Variants in ARHGEF7 observed in about 807,000 individuals in gnomAD.
ARHGEF7 encodes PAK-interacting exchange factor beta.
In ARHGEF7, 33 loss-of-function variants were observed where a neutral mutation model predicts 109.8. The ratio of observed to expected loss-of-function variants is 0.30; its 90% CI spans 0.23 to 0.40. The LOEUF is 0.40. Ranked by LOEUF, ARHGEF7 falls within the 10% of genes least tolerant of loss-of-function variation. The pLI is 1.00. For synonymous variants in ARHGEF7, 458 were observed against 424.6 expected, an observed-to-expected ratio of 1.08 and a Z score of -0.97; for missense variants, 938 against 1,098.5, an observed-to-expected ratio of 0.85 and a Z score of 2.07.
chr13:111,189,998 C>T (rs1242858305), intron 2 of ARHGEF7, among the ~76,000 whole-genome samples: 7 of 152,194 alleles, frequency 4.6e-5, no homozygotes, highest in Non-Finnish European at 8.8e-5. Context: ...AGTGACCGCT[C>T]TAGCTACTTC....
chr13:111,206,887 G>A (rs1161699313), intron 3 of ARHGEF7, among the ~76,000 whole-genome samples: 3 of 150,762 alleles, frequency 2.0e-5, no homozygotes, highest in Non-Finnish European at 3.0e-5. Context: ...GCGTGAACCC[G>A]GGAGGCGGAG....
chr13:111,260,544 A>G (rs548480188), intron 8 of ARHGEF7, among the ~76,000 whole-genome samples: 4 of 152,262 alleles, frequency 2.6e-5, no homozygotes, highest in Non-Finnish European at 5.9e-5. Flanking sequence ...AAGGAGAAAT[A>G]AAAACTTTCC....
chr13:111,189,403 C>G (rs1297307081), intron 2 of ARHGEF7, among the ~76,000 whole-genome samples: 2 of 152,168 alleles, frequency 1.3e-5, no homozygotes, highest in Non-Finnish European at 2.9e-5. Context: ...AGGAGTGAAG[C>G]CGCAGACCTT....
At chr13:111,164,181 C>T (rs1237532180) in intron 2 of ARHGEF7, among the ~76,000 whole-genome samples, 2 of 152,182 alleles carry the variant, frequency 1.3e-5, no homozygotes, top group Non-Finnish European at 2.9e-5. Context: ...CCTCACGATG[C>T]CCTGCAGAGA....
chr13:111,202,334 CTTGGAGAGGGTTGGCAT>C (rs1213648319), intron 2 of ARHGEF7, among the ~76,000 whole-genome samples: 1 of 152,182 alleles, frequency 6.6e-6, no homozygotes, highest in Non-Finnish European at 1.5e-5. Context: ...GTTGGAGTCA[CTTGGAGAGGGTTGGCAT>C]TTTGATTTGA....
rs1277004765 is a variant in ARHGEF7 at position 111,258,655 on chromosome 13, A to T, written c.951-8893A>T. Among the ~76,000 whole-genome samples the T allele has an allele frequency of 6.6e-6, 1 of 152,164 alleles. No individual in the cohort carries two copies. The highest frequency in any genetic ancestry group is 1.9e-4 in the East Asian group (1 of 5,176). On this transcript the variant is annotated intron_variant, in intron 8 of 21. Transcript: ENST00000646102. The surrounding 1 kb of genome is among the most constrained non-coding windows in gnomAD (Gnocchi z 4.4). The stretch of plus-strand genomic sequence containing the variant: ...GCTGGCTTCAAATGTGACCCAGAGC[A>T]CATTCCCAGCTGTGGTGGCTACAGG...
intron 1 of ARHGEF7, among the ~76,000 whole-genome samples, chr13:111,119,690 A>C (rs1423608112): frequency 6.6e-6 from 1 of 152,192 alleles, no homozygotes; most frequent in Non-Finnish European, 1.5e-5. Flanking sequence ...AGGCTTGCAG[A>C]AAATCAGCAA....
chr13:111,115,377 GGCCGGACCTGCTGGGCCGC>G lies in ARHGEF7; in HGVS notation c.-145_-127del. On this transcript the variant is annotated 5_prime_UTR_variant, in exon 1 of 22. Transcript: ENST00000646102. ...CCGGGGCGCACGGAGAAGCGGGCCG[GGCCGGACCTGCTGGGCCGC>G]GCCGAGCCAATCGCCGGCGCCGGCC... 1 of 398,668 alleles carries G rather than the reference GGCCGGACCTGCTGGGCCGC, an allele frequency of 2.5e-6. No individual in the cohort carries two copies. The highest frequency in any genetic ancestry group is 3.4e-6 in the Non-Finnish European group (1 of 296,664). 24.7% of individuals were successfully genotyped at this position (398,668 alleles called of 1,614,324 possible).
intron 8 of ARHGEF7, among the ~76,000 whole-genome samples, chr13:111,245,159 CTCA>C (rs1163962327): frequency 6.6e-6 from 1 of 152,242 alleles, no homozygotes; most frequent in Non-Finnish European, 1.5e-5. Context: ...TTCAAAGCAT[CTCA>C]TCGATTTGCT....
At position 111,300,837 on chromosome 13, in the gene ARHGEF7, A is replaced by G; in HGVS notation, c.2401A>G (p.Ile801Val). The change falls in exon 20 of 22, where the codon ATA becomes GTA. Residue 801 changes from isoleucine (I) to valine (V), a missense_variant. Transcript: ENST00000646102. ...EETKSNGQTVIEEKSLVDTVY... is the reference protein window; with the variant it reads ...EETKSNGQTVVEEKSLVDTVY... ...AACTAAAAGTAATGGTCAGACAGTG[A>G]TAGAAGAAAAGTAAGATGTCTTCCG... The G allele has an allele frequency of 1.9e-6, 3 of 1,597,330 alleles. No individual in the cohort carries two copies. The highest frequency in any genetic ancestry group is 2.6e-6 in the Non-Finnish European group (3 of 1,167,986).
chr13:111,261,569 AGACACTT>A (rs1255338302), intron 8 of ARHGEF7, among the ~76,000 whole-genome samples: 2 of 152,222 alleles, frequency 1.3e-5, no homozygotes, highest in Admixed American at 1.3e-4. Context: ...AAAGCAACAA[AGACACTT>A]GACTTTATCT....
At chr13:111,290,117 A>G (rs1436462037) in intron 18 of ARHGEF7, among the ~76,000 whole-genome samples, 1 of 152,194 alleles carries the variant, frequency 6.6e-6, no homozygotes, top group Non-Finnish European at 1.5e-5. Flanking sequence ...GTGGCCATAA[A>G]TTTTTGGATT....
chr13:111,224,567 G>A (rs1210872560), intron 5 of ARHGEF7, among the ~76,000 whole-genome samples: 1 of 152,148 alleles, frequency 6.6e-6, no homozygotes, highest in African/African-American at 2.4e-5. Flanking sequence ...GATGATGACT[G>A]TCTGTGTTTG....
intron 2 of ARHGEF7, among the ~76,000 whole-genome samples, chr13:111,174,756 C>CCT: frequency 6.6e-6 from 1 of 152,184 alleles, no homozygotes; most frequent in East Asian, 1.9e-4. Context: ...GCGGTCTGGT[C>CCT]CATCTGTACG....
rs1223049161 is a variant in ARHGEF7 at position 111,273,368 on chromosome 13, C to T, written c.1074-446C>T. Among the ~76,000 whole-genome samples the T allele has an allele frequency of 3.3e-5, 5 of 152,238 alleles. No homozygotes were observed. The highest frequency in any genetic ancestry group is 1.9e-4 in the East Asian group (1 of 5,190). ...ACATAGGTGGGGCCTGCTCGCTGGA[C>T]GAACTCGCATCTGGGGATGACTACC... On this transcript the variant is annotated intron_variant, in intron 9 of 21. Coordinates refer to ENST00000646102, the MANE Select transcript of ARHGEF7 (RefSeq NM_001354046.2). The surrounding 1 kb of genome is among the most constrained non-coding windows in gnomAD (Gnocchi z 4.5).
At chr13:111,160,738 T>C (rs780518029) in intron 2 of ARHGEF7, among the ~76,000 whole-genome samples, 2 of 152,178 alleles carry the variant, frequency 1.3e-5, no homozygotes, top group African/African-American at 4.8e-5. Context: ...ATGCTGTTCT[T>C]GTGATAACGA....
chr13:111,282,053 T>G (rs540852584), intron 15 of ARHGEF7, among the ~76,000 whole-genome samples: 1 of 152,354 alleles, frequency 6.6e-6, no homozygotes, highest in East Asian at 1.9e-4. Flanking sequence ...CATCTATACA[T>G]TATTTCCTAT....
Position 111,154,073 on chromosome 13 carries a change from C to T in ARHGEF7, c.252+82C>T, listed in dbSNP as rs1332356466. The T allele has an allele frequency of 9.9e-6, 13 of 1,308,154 alleles. No homozygotes were observed. The South Asian group carries it at 1.3e-4, about 13-fold the overall frequency. 81.0% of individuals were successfully genotyped at this position (1,308,154 alleles called of 1,614,324 possible). ...GGGTGGGTGCTTCGCTCCAGCCGGA[C>T]CTCCTGCCTCCTCCGCGCCCGGATC... On this transcript the variant is annotated intron_variant, in intron 2 of 21. Transcript: ENST00000646102.
chr13:111,141,572 T>C (rs1351847088), intron 1 of ARHGEF7, among the ~76,000 whole-genome samples: 1 of 152,136 alleles, frequency 6.6e-6, no homozygotes, highest in African/African-American at 2.4e-5. Flanking sequence ...GAACAACACA[T>C]TCTGTAGCCT....
Sources: allele counts gnomAD v4.1 joint callset (sites outside exome capture counted in the v4.1 genomes callset), GRCh38; gene constraint gnomAD v4.1.1; non-coding constraint Gnocchi (gnomAD v3.1); transcripts MANE v1.5; gene names NCBI Gene and HGNC (gene_info 2026-07-23, HGNC 2026-07-21).